The following LYST variants were observed in gnomAD, a reference collection of about 807,000 sequenced individuals.
The protein encoded by LYST is lysosomal trafficking regulator.
A neutral mutation model predicts 413.6 loss-of-function variants in LYST; 192 were observed. The ratio of observed to expected loss-of-function variants is 0.46; its 90% CI spans 0.41 to 0.52. LYST has a LOEUF of 0.52. Among genes scored for constraint, LYST ranks in the 20% least tolerant of loss-of-function variants. The pLI, the probability that LYST is intolerant of heterozygous loss-of-function variation, is 0.00. For synonymous variants in LYST, 1,525 were observed against 1,567.3 expected, an observed-to-expected ratio of 0.97 and a Z score of 0.64; for missense variants, 3,815 against 4,499.9, an observed-to-expected ratio of 0.85 and a Z score of 4.35.
chr1:235,669,685 G>T (rs1003269426), intron 50 of LYST, among the ~76,000 whole-genome samples: 1 of 152,196 alleles, frequency 6.6e-6, no homozygotes, highest in African/African-American at 2.4e-5. Context: ...CCTCCGCAGG[G>T]TATTTGTACC....
In LYST at chr1:235,686,274, C is replaced by T. The variant is rs1156658876; in HGVS notation, c.10800+675G>A. 4.0e-5 allele frequency among the ~76,000 whole-genome samples: 6 copies of T among 151,792 alleles called. No homozygotes were observed. Among genetic ancestry groups the T allele is most frequent in the Admixed American group, 1.3e-4 (2 of 15,274 alleles). ...CCCAGCTACTCGAGAGGCTGAGGCA[C>T]GAGAATTGATTGAGCCCGGGAGGCA... On this transcript the variant is annotated intron_variant, in intron 48 of 52. Transcript: ENST00000389793. The surrounding 1 kb of genome is among the most constrained non-coding windows in gnomAD (Gnocchi z 4.0).
upstream of LYST, among the ~76,000 whole-genome samples, chr1:235,868,234 G>A (rs1320196409): frequency 6.6e-6 from 1 of 151,868 alleles, no homozygotes; most frequent in Non-Finnish European, 1.5e-5. Context: ...GGCAGTGGCC[G>A]GATATCGGCT....
chr1:235,697,839 C>T (rs568612236), intron 45 of LYST, among the ~76,000 whole-genome samples: 3 of 151,966 alleles, frequency 2.0e-5, no homozygotes, highest in East Asian at 1.9e-4. Context: ...AATCTCTAGC[C>T]AGTACTAGAG....
chr1:235,810,153 T>C lies in LYST; in HGVS notation c.665A>G (p.Glu222Gly), dbSNP rs1408725750. 6.2e-7 allele frequency: 1 copy of C among 1,614,048 alleles called. No homozygotes were observed. Among genetic ancestry groups the C allele is most frequent in the African/African-American group, 1.3e-5 (1 of 74,934 alleles). ...TCTTGGAATAATCTCTCTGGAATTT[T>C]CCAAAGCCATAGCATCTGGAGGAGT... The part of the protein sequence containing the change: ...EQTPPDAMAL[E>G]NSREIIPRQG... Residue 222 changes from glutamate to glycine, a missense_variant, in exon 5 of 53, where the codon GAA becomes GGA. Around this residue, in one of 4 missense-constraint regions of LYST, gnomAD observed 1,648 missense variants for 1,810.3 expected, o/e 0.91. Transcript: ENST00000389793.
chr1:235,752,128 G>C lies in LYST; in HGVS notation c.7504C>G (p.Gln2502Glu). The change falls in exon 27 of 53, where the codon CAA (glutamine) becomes GAA (glutamate). Residue 2502 changes from glutamine to glutamate, a missense_variant. Physicochemically the swap from Gln to Glu is conservative, Grantham distance 29 (BLOSUM62 2). Transcript: ENST00000389793. ...EYKLLACDIQ[Q>E]LFIAVTIHAC... is the part of the protein sequence containing the mutation. ...TGAATTGTAACTGCTATGAAAAGTT[G>C]CTGTATATCACAAGCAAGCAATTTA... 1 of 1,611,766 alleles carries C rather than the reference G, an allele frequency of 6.2e-7. No individual in the cohort carries two copies.
At chr1:235,753,401 T>G in intron 25 of LYST, 127 bp from the exon 26 acceptor site, 1 of 647,366 alleles carries the variant, frequency 1.5e-6, no homozygotes, top group Non-Finnish European at 2.8e-6. Context: ...GGAGTAAGGA[T>G]TCTTAACCTG....
intron 43 of LYST, 105 bp downstream of exon 43, chr1:235,711,952 A>G (rs1399695122): frequency 1.4e-6 from 1 of 739,812 alleles, no homozygotes; most frequent in Non-Finnish European, 2.2e-6. Context: ...TTATTTGGGG[A>G]CTCAAAAATT....
chr1:235,703,114 C>T (rs2103102223), intron 44 of LYST, 137 bp from the exon 45 acceptor site: 1 of 686,372 alleles, frequency 1.5e-6, no homozygotes, highest in South Asian at 1.6e-5. Flanking sequence ...TTAACAATCA[C>T]TCATGGTCTC....
chr1:235,853,471 T>C (rs1678788684), intron 1 of LYST, among the ~76,000 whole-genome samples: 2 of 151,450 alleles, frequency 1.3e-5, no homozygotes, highest in African/African-American at 4.9e-5. Flanking sequence ...TTCCAATTTA[T>C]GTAGAATTGT....
At chr1:235,815,032 T>C (rs1413472302) in intron 3 of LYST, among the ~76,000 whole-genome samples, 1 of 152,148 alleles carries the variant, frequency 6.6e-6, no homozygotes, top group Admixed American at 6.5e-5. Context: ...ATTCTCTAGG[T>C]TTTTAGTTCC....
chr1:235,835,004 G>A (rs1676410841), intron 1 of LYST, among the ~76,000 whole-genome samples: 1 of 151,746 alleles, frequency 6.6e-6, no homozygotes, highest in Non-Finnish European at 1.5e-5. Context: ...AACAACCTCT[G>A]CCGCCTGGGT....
chr1:235,688,052 T>C (rs1660354905), intron 47 of LYST, among the ~76,000 whole-genome samples: 1 of 152,252 alleles, frequency 6.6e-6, no homozygotes, highest in African/African-American at 2.4e-5. Flanking sequence ...TTTCAGTTTC[T>C]TTCTTGAGTA....
intron 22 of LYST, among the ~76,000 whole-genome samples, chr1:235,761,310 T>G (rs2103363689): frequency 6.6e-6 from 1 of 152,198 alleles, no homozygotes; most frequent in South Asian, 2.1e-4. Flanking sequence ...AAGACAAGAC[T>G]AGGTTGGACT....
intron 3 of LYST, among the ~76,000 whole-genome samples, chr1:235,820,143 T>C (rs995378079): frequency 2.0e-5 from 3 of 152,204 alleles, no homozygotes; most frequent in Non-Finnish European, 4.4e-5. Flanking sequence ...GGTTTTAAAC[T>C]AATTGCCTAA....
Position 235,662,569 on chromosome 1 carries a change from A to G in LYST, c.*371T>C. ...AATTTTAGTGTGTTTTATATAAACA[A>G]TCAACCAACCAATTTAAATTCTACT... On this transcript the variant is annotated 3_prime_UTR_variant, in exon 53 of 53. Coordinates refer to ENST00000389793, the MANE Select transcript of LYST (RefSeq NM_000081.4). 1 of 306,350 alleles carries G rather than the reference A, an allele frequency of 3.3e-6. No individual in the cohort carries two copies. Among genetic ancestry groups the G allele is most frequent in the Non-Finnish European group, 6.3e-6 (1 of 158,018 alleles). 19.0% of individuals were successfully genotyped at this position (306,350 alleles called of 1,614,324 possible). A position where few individuals can be genotyped will look rare whatever the true frequency, so the allele number is the denominator to read the frequency against.
chr1:235,757,339 T>G lies in LYST; in HGVS notation c.7001A>C (p.Asp2334Ala). The G allele has an allele frequency of 6.2e-7, 1 of 1,613,764 alleles. No individual in the cohort carries two copies. Among genetic ancestry groups the G allele is most frequent in the African/African-American group, 1.3e-5 (1 of 75,020 alleles). The change falls in exon 24 of 53, where the codon GAT becomes GCT. Residue 2334 changes from aspartate (D) to alanine (A), a missense_variant. Physicochemically the swap from Asp to Ala is moderately radical, Grantham distance 126 (BLOSUM62 -2). Transcript: ENST00000389793. Reference protein sequence around the residue: ...EDVMDKLIQADTLLVLVNHPS... With the variant: ...EDVMDKLIQAATLLVLVNHPS... The stretch of plus-strand genomic sequence containing the variant: ...GTGGTTAACGAGGACCAAAAGTGTA[T>G]CTGCTTGAATAAGCTTGTCCATCAC...
chr1:235,838,313 C>T (rs1383765783), intron 1 of LYST, among the ~76,000 whole-genome samples: 5 of 152,108 alleles, frequency 3.3e-5, no homozygotes, highest in African/African-American at 1.2e-4. Flanking sequence ...AATAACTATA[C>T]CCATACTATA....
chr1:235,789,123 G>A (rs1486019756), intron 12 of LYST, among the ~76,000 whole-genome samples: 1 of 152,024 alleles, frequency 6.6e-6, no homozygotes, highest in African/African-American at 2.4e-5. Context: ...TAACCAGACC[G>A]CTATGTGACA....
intron 1 of LYST, among the ~76,000 whole-genome samples, chr1:235,876,086 G>A (rs1572512639): frequency 6.6e-6 from 1 of 152,012 alleles, no homozygotes; most frequent in Non-Finnish European, 1.5e-5. Flanking sequence ...AGCCAGGCAT[G>A]GTGGCAGCTC....
Sources: gnomAD v4.1 joint callset for allele counts (sites outside exome capture counted in the v4.1 genomes callset) on GRCh38, gnomAD v4.1.1 for gene constraint, gnomAD v4.1.1 regional missense constraint, Gnocchi (gnomAD v3.1) non-coding constraint, MANE v1.5 for transcripts, NCBI Gene and HGNC (gene_info 2026-07-23, HGNC 2026-07-21) for gene names.